The following GOLGA4 variants were observed in gnomAD, a reference collection of about 807,000 sequenced individuals.
The protein encoded by GOLGA4 is golgin A4, also known as golgin subfamily A member 4.
Under a neutral mutation model 265.9 loss-of-function variants are expected in GOLGA4, and 169 were observed. The ratio of observed to expected loss-of-function variants is 0.64; its 90% CI spans 0.56 to 0.72. GOLGA4 has a LOEUF of 0.72. Ranked by LOEUF, GOLGA4 falls within the 30% of genes least tolerant of loss-of-function variation. The pLI, the probability that GOLGA4 is intolerant of heterozygous loss-of-function variation, is 0.00. For missense variants in GOLGA4, 2,482 were observed against 2,483.4 expected (o/e 1.00, Z 0.01); for synonymous variants, 923 against 855.8 (o/e 1.08, Z -1.37).
intron 10 of GOLGA4, among the ~76,000 whole-genome samples, chr3:37,303,435 G>A (rs927457607): frequency 5.9e-5 from 9 of 152,088 alleles, no homozygotes; most frequent in Non-Finnish European, 1.2e-4. Context: ...AGAAAAGTAA[G>A]GACTCTAAAT....
chr3:37,286,821 A>G lies in GOLGA4; in HGVS notation c.525+760A>G, dbSNP rs73825058. ...AAGCATCCTCTCTTCTATAATAACTATTTCCTGTGGCTGCTGCTTGTGAAG... is the reference window on the plus strand; with the variant it reads ...AAGCATCCTCTCTTCTATAATAACTGTTTCCTGTGGCTGCTGCTTGTGAAG... On this transcript the variant is annotated intron_variant, in intron 4 of 23. Transcript: ENST00000361924. 7.9e-4 allele frequency among the ~76,000 whole-genome samples: 121 copies of G among 152,230 alleles called. 1 individual carries two copies. Among genetic ancestry groups the G allele is most frequent in the East Asian group, 4.5e-3 (23 of 5,164 alleles).
Position 37,258,282 on chromosome 3 carries a change from GAT to G in GOLGA4, c.162+6806_162+6807del, listed in dbSNP as rs558539792. 1.1e-3 allele frequency among the ~76,000 whole-genome samples: 165 copies of G among 147,800 alleles called. 1 individual carries two copies. The highest frequency in any genetic ancestry group is 4.0e-3 in the African/African-American group (162 of 40,138). On this transcript the variant is annotated intron_variant, in intron 2 of 23. Transcript: ENST00000361924. The stretch of plus-strand genomic sequence containing the variant: ...GAGCATATATATAGAGCATATATAT[GAT>G]ATATATAGAGCATATATATATATAG...
intron 2 of GOLGA4, among the ~76,000 whole-genome samples, chr3:37,264,699 T>C (rs1300822865): frequency 6.6e-6 from 1 of 152,150 alleles, no homozygotes; most frequent in African/African-American, 2.4e-5. Flanking sequence ...TATTAACTGC[T>C]AAATTCATGT....
Position 37,323,944 on chromosome 3 carries a change from A to G in GOLGA4, c.2058A>G (p.Leu686=), listed in dbSNP as rs2096962411. ...LEKLDVKQTE[L]ESLSSELSEV... The stretch of plus-strand genomic sequence containing the variant: ...AGCTTGATGTGAAGCAAACAGAACT[A>G]GAATCATTATCTTCTGAACTGTCAG... Residue 686 remains leucine (L), a synonymous_variant, in exon 14 of 24, where the codon CTA becomes CTG. Coordinates refer to ENST00000361924, the MANE Select transcript of GOLGA4 (RefSeq NM_002078.5). 15 of 1,613,578 alleles carry G rather than the reference A, an allele frequency of 9.3e-6. No individual in the cohort carries two copies. The highest frequency in any genetic ancestry group is 1.2e-5 in the Non-Finnish European group (14 of 1,179,942).
chr3:37,332,286 A>G (rs910609243), intron 16 of GOLGA4, among the ~76,000 whole-genome samples: 2 of 152,214 alleles, frequency 1.3e-5, no homozygotes, highest in African/African-American at 4.8e-5. Flanking sequence ...CTCAAGCTTC[A>G]TAAGTTAATG....
chr3:37,289,306 T>A lies in GOLGA4; in HGVS notation c.582+15T>A. ...AATTAAGAGAGGTAAGTTTCAGTGA[T>A]GAGTACTTTGAAAATAGTAATTAAA... On this transcript the variant is annotated intron_variant, in intron 5 of 23. Coordinates refer to ENST00000361924, the MANE Select transcript of GOLGA4 (RefSeq NM_002078.5). 2 of 1,456,438 alleles carry A rather than the reference T, an allele frequency of 1.4e-6. No homozygotes were observed. Among genetic ancestry groups the A allele is most frequent in the Non-Finnish European group, 1.9e-6 (2 of 1,043,052 alleles). 90.2% of individuals were successfully genotyped at this position (1,456,438 alleles called of 1,614,324 possible). A position where few individuals can be genotyped will look rare whatever the true frequency, so the allele number is the denominator to read the frequency against.
Position 37,326,223 on chromosome 3 carries a change from A to G in GOLGA4, c.4337A>G (p.Lys1446Arg). 1.2e-6 allele frequency: 2 copies of G among 1,613,724 alleles called. No homozygotes were observed. The highest frequency in any genetic ancestry group is 1.7e-6 in the Non-Finnish European group (2 of 1,179,690). Residue 1446 changes from lysine to arginine, a missense_variant, in exon 14 of 24, where the codon AAG (lysine) becomes AGG (arginine). Lys to Arg is a conservative substitution (Grantham distance 26, BLOSUM62 2). Around this residue, in one of 3 missense-constraint regions of GOLGA4, gnomAD observed 942 missense variants for 983.1 expected, o/e 0.96. Coordinates refer to ENST00000361924, the MANE Select transcript of GOLGA4 (RefSeq NM_002078.5). ...DDWSNKFSEW[K>R]KKAQSRFTQH... ...TGGTCCAATAAATTCTCAGAATGGA[A>G]GAAGAAAGCACAGTCAAGATTTACA... is the stretch of plus-strand genomic sequence containing the variant.
chr3:37,246,777 A>G (rs1447179646), intron 1 of GOLGA4, among the ~76,000 whole-genome samples: 3 of 152,214 alleles, frequency 2.0e-5, no homozygotes, highest in African/African-American at 4.8e-5. Flanking sequence ...TATGTTATGT[A>G]TATTTTTAAA....
rs75604545 is a variant in GOLGA4, at chr3:37,308,270, G to A, written c.1234+5938G>A. ...ACGAACAAAAAGAAAAAGAAAATTC[G>A]GATAAATTGGTAAATTTTTTGAAAG... On this transcript the variant is annotated intron_variant, in intron 10 of 23. Coordinates refer to ENST00000361924, the MANE Select transcript of GOLGA4 (RefSeq NM_002078.5). Among the ~76,000 whole-genome samples the A allele has an allele frequency of 1.5e-4, 23 of 151,060 alleles. No individual in the cohort carries two copies. In the East Asian group the frequency reaches 4.3e-3, roughly 28 times the overall value.
At chr3:37,316,494 A>G (rs551023270) in intron 11 of GOLGA4, among the ~76,000 whole-genome samples, 60 of 152,314 alleles carry the variant, frequency 3.9e-4, no homozygotes, top group Middle Eastern at 3.4e-3. Flanking sequence ...GCTGAACTAT[A>G]GGTAATTTGC....
chr3:37,313,003 G>A (rs916622100), intron 10 of GOLGA4, among the ~76,000 whole-genome samples: 2 of 152,102 alleles, frequency 1.3e-5, no homozygotes, highest in African/African-American at 4.8e-5. Context: ...AGGAGTTTGA[G>A]ACCAGCTTGG....
chr3:37,282,003 C>T lies in GOLGA4; in HGVS notation c.208C>T (p.Pro70Ser). 6.2e-7 allele frequency: 1 copy of T among 1,613,984 alleles called. No individual in the cohort carries two copies. Among genetic ancestry groups the T allele is most frequent in the East Asian group, 2.2e-5 (1 of 44,878 alleles). The change falls in exon 3 of 24, where the codon CCC (proline) becomes TCC (serine). Residue 70 changes from proline to serine, a missense_variant. This residue lies in a region of GOLGA4 where 1,536 missense variants were observed against 1,483.7 expected (regional missense o/e 1.04). Coordinates refer to ENST00000361924, the MANE Select transcript of GOLGA4 (RefSeq NM_002078.5). ...TGCACAGAAGCTCCAGCTCCGGGTG[C>T]CCTCCGTGGAGTCTTTGTTTCGAAG... ...SFAQKLQLRV[P>S]SVESLFRSPI... is the part of the protein sequence containing the mutation.
At chr3:37,363,495 C>A (rs1696503771) in intron 23 of GOLGA4, among the ~76,000 whole-genome samples, 2 of 152,228 alleles carry the variant, frequency 1.3e-5, no homozygotes, top group Non-Finnish European at 2.9e-5. Context: ...ATATACCCTT[C>A]ACCTAGTAAT....
intron 10 of GOLGA4, among the ~76,000 whole-genome samples, chr3:37,310,824 C>G (rs975993332): frequency 1.3e-5 from 2 of 151,752 alleles, no homozygotes; most frequent in Non-Finnish European, 2.9e-5. Flanking sequence ...TGCGGCAGTT[C>G]GTGCTTAGCC....
chr3:37,322,050 T>C (rs2096956441), intron 13 of GOLGA4, among the ~76,000 whole-genome samples, 164 bp downstream of exon 13: 1 of 152,196 alleles, frequency 6.6e-6, no homozygotes, highest in South Asian at 2.1e-4. Flanking sequence ...TGGATTTGGC[T>C]TTAGGCTCTG....
chr3:37,346,934 C>A (rs2097058394), intron 20 of GOLGA4, among the ~76,000 whole-genome samples: 1 of 151,852 alleles, frequency 6.6e-6, no homozygotes, highest in South Asian at 2.1e-4. Context: ...TGTACAATTA[C>A]AATAAAAGGC....
intron 3 of GOLGA4, among the ~76,000 whole-genome samples, chr3:37,284,532 G>T (rs373863640): frequency 6.6e-6 from 1 of 152,114 alleles, no homozygotes; most frequent in African/African-American, 2.4e-5. Flanking sequence ...GATTACAGGC[G>T]TGAGCCACCA....
chr3:37,302,449 C>T, intron 10 of GOLGA4, 117 bp downstream of exon 10: 2 of 878,176 alleles, frequency 2.3e-6, no homozygotes, highest in Non-Finnish European at 3.4e-6. Context: ...ATAGAGGCTC[C>T]TAATAAGACA....
intron 10 of GOLGA4, among the ~76,000 whole-genome samples, chr3:37,313,950 C>T (rs918176012): frequency 1.3e-5 from 2 of 150,766 alleles, no homozygotes; most frequent in Admixed American, 6.7e-5. Flanking sequence ...CACAAATACA[C>T]GTAAACACAC....
Sources: gnomAD v4.1 joint callset for allele counts (sites outside exome capture counted in the v4.1 genomes callset) on GRCh38, gnomAD v4.1.1 for gene constraint, gnomAD v4.1.1 regional missense constraint, MANE v1.5 for transcripts, NCBI Gene and HGNC (gene_info 2026-07-23, HGNC 2026-07-21) for gene names.